CCDC178: variants seen among roughly 807,000 people sequenced by gnomAD.
CCDC178 encodes the protein coiled-coil domain-containing protein 178.
A neutral mutation model predicts 117.4 loss-of-function variants in CCDC178; 126 were observed. The ratio of observed to expected loss-of-function variants is 1.07; its 90% CI spans 0.93 to 1.24. The LOEUF is 1.24. CCDC178 is among the 50% of genes most tolerant of loss of function. The probability of loss-of-function intolerance (pLI) is 0.00; values close to 1 mark genes in which losing one functional copy is unlikely to be tolerated. For missense variants in CCDC178, 1,030 were observed against 986.9 expected (o/e 1.04, Z -0.59); for synonymous variants, 283 against 313.4 (o/e 0.90, Z 1.02).
intron 20 of CCDC178, among the ~76,000 whole-genome samples, chr18:33,186,023 A>AT (rs1348134261): frequency 6.6e-6 from 1 of 152,086 alleles, no homozygotes; most frequent in Non-Finnish European, 1.5e-5. Flanking sequence ...TAATGATTCC[A>AT]TATTTCATCT....
intron 20 of CCDC178, among the ~76,000 whole-genome samples, chr18:33,109,858 G>A: frequency 6.6e-6 from 1 of 151,310 alleles, no homozygotes; most frequent in South Asian, 2.1e-4. Context: ...AACAATTTAT[G>A]CACTCTGCTG....
At chr18:33,076,074 T>C (rs994666533) in intron 21 of CCDC178, among the ~76,000 whole-genome samples, 2 of 152,246 alleles carry the variant, frequency 1.3e-5, no homozygotes, top group Non-Finnish European at 2.9e-5. Context: ...TTCTTCTAAA[T>C]GCATGCTTCA....
intron 22 of CCDC178, among the ~76,000 whole-genome samples, chr18:32,965,795 A>C (rs1598738541): frequency 6.6e-6 from 1 of 151,374 alleles, no homozygotes; most frequent in Non-Finnish European, 1.5e-5. Flanking sequence ...TGATGACGGA[A>C]AACAAATTAT....
At chr18:33,402,430 T>G (rs2063721243) in intron 3 of CCDC178, among the ~76,000 whole-genome samples, 1 of 152,166 alleles carries the variant, frequency 6.6e-6, no homozygotes, top group South Asian at 2.1e-4. Flanking sequence ...AAGGTCCACA[T>G]TTACGATATC....
chr18:32,945,706 A>C (rs756622393), intron 22 of CCDC178, among the ~76,000 whole-genome samples: 12 of 152,116 alleles, frequency 7.9e-5, no homozygotes, highest in Non-Finnish European at 1.6e-4. Flanking sequence ...ATGCTTTCTA[A>C]AATTCCTACA....
In CCDC178 at chr18:32,974,623, A is replaced by G; in HGVS notation, c.2447T>C (p.Val816Ala). 1 of 1,613,460 alleles carries G rather than the reference A, an allele frequency of 6.2e-7. No individual in the cohort carries two copies. The highest frequency in any genetic ancestry group is 8.5e-7 in the Non-Finnish European group (1 of 1,179,730). ...TLWQEHFKLV[V>A]LFSQMRLANF... ...GGCCAGCCTCATCTGGCTGAAGAGG[A>G]CCACCAGTTTGAAGTGCTCCTGCCA... is the stretch of plus-strand genomic sequence containing the variant. Residue 816 changes from valine (V) to alanine (A), a missense_variant, in exon 22 of 23, where the codon GTC (valine) becomes GCC (alanine). Coordinates refer to ENST00000383096, the MANE Select transcript of CCDC178 (RefSeq NM_001105528.4).
chr18:33,206,681 T>C (rs1241212401), intron 20 of CCDC178, among the ~76,000 whole-genome samples: 1 of 152,064 alleles, frequency 6.6e-6, no homozygotes, highest in Non-Finnish European at 1.5e-5. Context: ...AAAAAAAGAA[T>C]ATATTGTTAA....
intron 4 of CCDC178, among the ~76,000 whole-genome samples, chr18:33,394,943 G>GTGTATATATATATATATA (rs1222110972): frequency 1.6e-5 from 1 of 61,498 alleles, no homozygotes; most frequent in African/African-American, 6.0e-5. Flanking sequence ...ATATGTATGT[G>GTGTATATATATATATATA]TATATATATA....
chr18:33,096,915 A>G (rs2057551026), intron 20 of CCDC178, among the ~76,000 whole-genome samples: 1 of 152,130 alleles, frequency 6.6e-6, no homozygotes, highest in Admixed American at 6.6e-5. Context: ...CCTTGTAGCA[A>G]TGATCTGAGA....
intron 20 of CCDC178, among the ~76,000 whole-genome samples, chr18:33,144,881 C>T (rs1212062882): frequency 6.6e-6 from 1 of 152,052 alleles, no homozygotes; most frequent in Non-Finnish European, 1.5e-5. Context: ...CACCTGGTGG[C>T]CTATTGACCA....
At chr18:33,087,525 A>G (rs1004328386) in intron 21 of CCDC178, among the ~76,000 whole-genome samples, 7 of 148,724 alleles carry the variant, frequency 4.7e-5, no homozygotes, top group African/African-American at 1.7e-4. Context: ...GTGTGTGTGT[A>G]TGTGTGTGTG....
intron 7 of CCDC178, among the ~76,000 whole-genome samples, chr18:33,349,337 G>GA (rs2062940067): frequency 6.6e-6 from 1 of 151,768 alleles, no homozygotes; most frequent in African/African-American, 2.4e-5. Flanking sequence ...TAGTGCCTGG[G>GA]AAATCAATGT....
intron 20 of CCDC178, among the ~76,000 whole-genome samples, chr18:33,173,171 TC>T (rs2058624614): frequency 6.6e-6 from 1 of 152,134 alleles, no homozygotes; most frequent in Non-Finnish European, 1.5e-5. Context: ...CACCTCAGCC[TC>T]TTGAGTAGCT....
intron 22 of CCDC178, among the ~76,000 whole-genome samples, chr18:32,973,802 A>G (rs1336859922): frequency 6.6e-6 from 1 of 152,116 alleles, no homozygotes; most frequent in East Asian, 1.9e-4. Context: ...TTTTTCACAG[A>G]ACAGGCATTC....
At chr18:33,256,043 A>G (rs1215236480) in intron 14 of CCDC178, among the ~76,000 whole-genome samples, 1 of 36,430 alleles carries the variant, frequency 2.7e-5, no homozygotes, top group African/African-American at 7.3e-5. Context: ...AGAAAGGTCT[A>G]TTTTGCACTT....
intron 3 of CCDC178, 34 bp from the exon 4 acceptor site, chr18:33,397,242 CT>C (rs2063652072): frequency 7.1e-7 from 1 of 1,416,590 alleles, no homozygotes; most frequent in South Asian, 1.2e-5. Context: ...AATAAAATAT[CT>C]GCTTCCTGAG....
At chr18:33,040,805 G>A (rs1012342930) in intron 21 of CCDC178, among the ~76,000 whole-genome samples, 2 of 151,864 alleles carry the variant, frequency 1.3e-5, no homozygotes, top group Non-Finnish European at 2.9e-5. Context: ...AATAGCACAT[G>A]GTAAGCCTTT....
At chr18:32,967,684 G>A (rs973372717) in intron 22 of CCDC178, among the ~76,000 whole-genome samples, 12 of 151,060 alleles carry the variant, frequency 7.9e-5, no homozygotes, top group Non-Finnish European at 1.8e-4. Flanking sequence ...TGCTCTTCCT[G>A]TACTCCTTGC....
At chr18:33,435,901 G>A (rs531465885) in intron 2 of CCDC178, among the ~76,000 whole-genome samples, 1 of 151,976 alleles carries the variant, frequency 6.6e-6, no homozygotes, top group Admixed American at 6.6e-5. Flanking sequence ...TCAGATCTAC[G>A]TGAGGAAAAC....
Sources: allele counts gnomAD v4.1 joint callset (sites outside exome capture counted in the v4.1 genomes callset), GRCh38; gene constraint gnomAD v4.1.1; transcripts MANE v1.5; gene names NCBI Gene and HGNC (gene_info 2026-07-23, HGNC 2026-07-21).